Variants in SEC22C observed in about 807,000 individuals in gnomAD.
SEC22C encodes vesicle-trafficking protein SEC22c.
In SEC22C, 29 loss-of-function variants were observed where a neutral mutation model predicts 34.7. The ratio of observed to expected loss-of-function variants is 0.84; its 90% CI spans 0.62 to 1.14. The LOEUF is 1.14. SEC22C is among the 50% of genes most tolerant of loss of function. SEC22C has a pLI of 0.00. For synonymous variants in SEC22C, 117 were observed against 132.8 expected (o/e 0.88, Z 0.82); for missense variants, 337 against 369.0 (o/e 0.91, Z 0.71).
intron 1 of SEC22C, among the ~76,000 whole-genome samples, chr3:42,593,281 G>A (rs544410781): frequency 5.3e-5 from 8 of 152,206 alleles, no homozygotes; most frequent in East Asian, 1.9e-4. Flanking sequence ...TTAGCCAGGC[G>A]TGGTGTGTGC....
At position 42,551,734 on chromosome 3, in the gene SEC22C, ATAAACT is replaced by A. The variant is rs1702269596; in HGVS notation, c.*1508_*1513del. 9 of 963,398 alleles carry A rather than the reference ATAAACT, an allele frequency of 9.3e-6. No homozygotes were observed. The highest frequency in any genetic ancestry group is 1.1e-5 in the Non-Finnish European group (9 of 809,864). 59.7% of individuals were successfully genotyped at this position (963,398 alleles called of 1,614,324 possible). On this transcript the variant is annotated 3_prime_UTR_variant, in exon 7 of 7. Transcript: ENST00000264454. ...ATTTTCCCAACATAGTTCCCAGTAT[ATAAACT>A]TATTTTTCTTAAAATGATAACAAGG...
chr3:42,586,399 T>G (rs1204966170), upstream of SEC22C, among the ~76,000 whole-genome samples: 1 of 152,078 alleles, frequency 6.6e-6, no homozygotes, highest in Non-Finnish European at 1.5e-5. Context: ...ATTTTTGTAT[T>G]TTTAGTAGAG....
chr3:42,579,988 T>C (rs1422810757), intron 1 of SEC22C, among the ~76,000 whole-genome samples: 1 of 152,254 alleles, frequency 6.6e-6, no homozygotes, highest in Non-Finnish European at 1.5e-5. Flanking sequence ...TAGAGTGAAG[T>C]AGTAATCAAA....
chr3:42,600,573 C>G (rs1172137759), intron 1 of SEC22C: 1 of 153,046 alleles, frequency 6.5e-6, no homozygotes, highest in Non-Finnish European at 1.5e-5. Context: ...TGCGTACGCC[C>G]CCGCTGCCGC....
At chr3:42,597,937 G>C (rs1705077085) in intron 1 of SEC22C, among the ~76,000 whole-genome samples, 1 of 152,222 alleles carries the variant, frequency 6.6e-6, no homozygotes, top group African/African-American at 2.4e-5. Context: ...ACAAGTGTTG[G>C]TGATGATGTG....
intron 1 of SEC22C, among the ~76,000 whole-genome samples, chr3:42,596,131 C>T (rs1463868639): frequency 2.0e-5 from 3 of 151,940 alleles, no homozygotes; most frequent in Non-Finnish European, 4.4e-5. Flanking sequence ...AAGTGATTCT[C>T]CTGCCTCAGC....
chr3:42,587,095 C>A (rs138249291), intron 1 of SEC22C, among the ~76,000 whole-genome samples: 1 of 152,326 alleles, frequency 6.6e-6, no homozygotes, highest in Non-Finnish European at 1.5e-5. Context: ...CTATCTCTGG[C>A]CTGCATGCTT....
rs567830184 is a variant in SEC22C at position 42,552,820 on chromosome 3, A to G, written c.*428T>C. On this transcript the variant is annotated 3_prime_UTR_variant, in exon 7 of 7. Coordinates refer to ENST00000264454, the MANE Select transcript of SEC22C (RefSeq NM_032970.4). ...TACTGACCCTCTGAAAAAAAAAACT[A>G]ATCAAGTTATGTTTAGACTGAAAGC... 35 of 1,009,442 alleles carry G rather than the reference A, an allele frequency of 3.5e-5. No individual in the cohort carries two copies. The highest frequency in any genetic ancestry group is 7.0e-5 in the African/African-American group (4 of 57,436). The allele number at this position is 1,009,442 out of a possible 1,614,324, so 62.5% of individuals were successfully genotyped here.
At chr3:42,553,524 C>A in intron 6 of SEC22C, 76 bp from the exon 7 acceptor site, 2 of 1,541,640 alleles carry the variant, frequency 1.3e-6, no homozygotes, top group South Asian at 1.2e-5. Flanking sequence ...TCACCTCCCA[C>A]AGCTTCCATG....
In SEC22C at chr3:42,551,560, A is replaced by C. The variant is rs1702260570; in HGVS notation, c.*1688T>G. ...ACTATGTTGTCCAGGCTGGTCTCAAACTACTGGCCTCAACCGAGTCTCCTG... is the reference window on the plus strand; with the variant it reads ...ACTATGTTGTCCAGGCTGGTCTCAACCTACTGGCCTCAACCGAGTCTCCTG... On this transcript the variant is annotated 3_prime_UTR_variant, in exon 7 of 7. Coordinates refer to ENST00000264454, the MANE Select transcript of SEC22C (RefSeq NM_032970.4). 1.8e-6 allele frequency: 1 copy of C among 540,910 alleles called. No individual in the cohort carries two copies. Among genetic ancestry groups the C allele is most frequent in the Admixed American group, 6.4e-5 (1 of 15,670 alleles). 33.5% of individuals were successfully genotyped at this position (540,910 alleles called of 1,614,324 possible). A position where few individuals can be genotyped will look rare whatever the true frequency, so the allele number is the denominator to read the frequency against.
At chr3:42,579,538 G>C (rs1704181105) in intron 1 of SEC22C, 1 of 149,092 alleles carries the variant, frequency 6.7e-6, no homozygotes, top group African/African-American at 2.5e-5. Flanking sequence ...GGAGGTCAAG[G>C]CTGCGTGAGC....
In SEC22C at chr3:42,561,336, G is replaced by C. The variant is rs764233065; in HGVS notation, c.347-40C>G. On this transcript the variant is annotated intron_variant, in intron 3 of 6. Coordinates refer to ENST00000264454, the MANE Select transcript of SEC22C (RefSeq NM_032970.4). ...CAACACAAGTTAAGCATTTTCATCA[G>C]AATGGATATTATAAGACAATACGTA... is the stretch of plus-strand genomic sequence containing the variant. 9.5e-6 allele frequency: 15 copies of C among 1,585,172 alleles called. No individual in the cohort carries two copies. The South Asian group carries it at 1.5e-4, about 16-fold the overall frequency.
At chr3:42,555,799 G>T in intron 6 of SEC22C, 131 bp downstream of exon 6, 1 of 734,386 alleles carries the variant, frequency 1.4e-6, no homozygotes, top group Non-Finnish European at 2.4e-6. Context: ...CTAAGGGCTT[G>T]GTATTGTCCA....
In SEC22C at chr3:42,551,900, A is replaced by T. The variant is rs536171685; in HGVS notation, c.*1348T>A. 148 of 985,144 alleles carry T rather than the reference A, an allele frequency of 1.5e-4. 2 individuals are homozygous for T. The South Asian group carries it at 5.5e-3, about 37-fold the overall frequency. 61.0% of individuals were successfully genotyped at this position (985,144 alleles called of 1,614,324 possible). A position where few individuals can be genotyped will look rare whatever the true frequency, so the allele number is the denominator to read the frequency against. ...TAAAAACTATCAAAATAGGATTTTT[A>T]AAAATTTATCAAGACCACATAATGC... On this transcript the variant is annotated 3_prime_UTR_variant, in exon 7 of 7. Transcript: ENST00000264454.
intron 6 of SEC22C, 78 bp from the exon 7 acceptor site, chr3:42,553,526 G>A: frequency 6.5e-7 from 1 of 1,536,844 alleles, no homozygotes; most frequent in Non-Finnish European, 8.7e-7. Context: ...ACCTCCCACA[G>A]CTTCCATGAA....
At chr3:42,586,819 T>C, upstream of SEC22C, among the ~76,000 whole-genome samples, 1 of 152,294 alleles carries the variant, frequency 6.6e-6, no homozygotes, top group East Asian at 1.9e-4. Flanking sequence ...CAGCCCCAAA[T>C]AGCCACAAGC....
rs1344688548 is a variant in SEC22C, at chr3:42,551,158, T to C, written c.*2090A>G. ...TTATTGACTTTTAAAGCTTTTTTGT[T>C]CTTCTCATTTAAAACATTTTACCTC... On this transcript the variant is annotated 3_prime_UTR_variant, in exon 7 of 7. Coordinates refer to ENST00000264454, the MANE Select transcript of SEC22C (RefSeq NM_032970.4). 4.1e-6 allele frequency: 4 copies of C among 985,248 alleles called. No individual in the cohort carries two copies. The highest frequency in any genetic ancestry group is 4.8e-6 in the Non-Finnish European group (4 of 829,930). The allele number at this position is 985,248 out of a possible 1,614,324, so 61.0% of individuals were successfully genotyped here. A position where few individuals can be genotyped will look rare whatever the true frequency, so the allele number is the denominator to read the frequency against.
chr3:42,552,448 C>T lies in SEC22C; in HGVS notation c.*800G>A. 1.0e-6 allele frequency: 1 copy of T among 985,250 alleles called. No individual in the cohort carries two copies. Among genetic ancestry groups the T allele is most frequent in the Non-Finnish European group, 1.2e-6 (1 of 829,780 alleles). The allele number at this position is 985,250 out of a possible 1,614,324, so 61.0% of individuals were successfully genotyped here. A position where few individuals can be genotyped will look rare whatever the true frequency, so the allele number is the denominator to read the frequency against. Reference sequence around the variant, plus strand: ...CAGGTTGTGGTCAATTGTAAGTAATCCTGAAATTCTCATTTCTGCTCATGC... The same window carrying T: ...CAGGTTGTGGTCAATTGTAAGTAATTCTGAAATTCTCATTTCTGCTCATGC... On this transcript the variant is annotated 3_prime_UTR_variant, in exon 7 of 7. Coordinates refer to ENST00000264454, the MANE Select transcript of SEC22C (RefSeq NM_032970.4).
At chr3:42,562,255 G>A (rs1203433047) in intron 3 of SEC22C, among the ~76,000 whole-genome samples, 2 of 152,226 alleles carry the variant, frequency 1.3e-5, no homozygotes, top group Non-Finnish European at 2.9e-5. Flanking sequence ...ATCAGATCAA[G>A]CACATGGCTT....
Sources: allele counts gnomAD v4.1 joint callset (sites outside exome capture counted in the v4.1 genomes callset), GRCh38; gene constraint gnomAD v4.1.1; transcripts MANE v1.5; gene names NCBI Gene and HGNC (gene_info 2026-07-23, HGNC 2026-07-21).